Variants in RPS7 observed in about 807,000 individuals in gnomAD.
RPS7 encodes small ribosomal subunit protein eS7.
In RPS7, 1 loss-of-function variant was observed where a neutral mutation model predicts 22.1. The ratio of observed to expected loss-of-function variants is 0.05; its 90% CI spans 0.02 to 0.21. The LOEUF is 0.21. Among genes scored for constraint, RPS7 ranks in the 10% least tolerant of loss-of-function variants. The pLI, the probability that RPS7 is intolerant of heterozygous loss-of-function variation, is 1.00. For synonymous variants in RPS7, 80 were observed against 92.0 expected (o/e 0.87, Z 0.74); for missense variants, 137 against 246.4 (o/e 0.56, Z 2.97).
At chr2:3,580,014 G>T in intron 5 of RPS7, 96 bp from the exon 6 acceptor site, 1 of 1,128,560 alleles carries the variant, frequency 8.9e-7, no homozygotes, top group Non-Finnish European at 1.4e-6. Context: ...AGGAACCTGG[G>T]ATTTGCATTT....
At chr2:3,575,564 C>G in intron 1 of RPS7, 28 bp from the exon 2 acceptor site, 1 of 1,541,110 alleles carries the variant, frequency 6.5e-7, no homozygotes, top group African/African-American at 1.4e-5. Flanking sequence ...CAGCCCGGGC[C>G]GCGTAACGCT....
intron 5 of RPS7, chr2:3,579,896 T>G: frequency 1.7e-6 from 1 of 603,782 alleles, no homozygotes; most frequent in Non-Finnish European, 2.9e-6. Flanking sequence ...TTGACTGAGC[T>G]TTTGAAATAA....
Position 3,575,635 on chromosome 2 carries a change from T to G in RPS7, c.26T>G (p.Val9Gly). ...ATGTTCAGTTCGAGCGCCAAGATCG[T>G]GAAGCCCAATGGCGAGAAGCCGGAC... MFSSSAKIVKPNGEKPDEF... is the reference protein window; with the variant it reads MFSSSAKIGKPNGEKPDEF... The change falls in exon 2 of 7, where the codon GTG becomes GGG. Residue 9 changes from valine (V) to glycine (G), a missense_variant. Physicochemically the swap from Val to Gly is moderately radical, Grantham distance 109 (BLOSUM62 -3). This residue lies in a region of RPS7 where 63 missense variants were observed against 75.0 expected (regional missense o/e 0.84). Transcript: ENST00000645674. The G allele has an allele frequency of 6.2e-7, 1 of 1,611,240 alleles. No homozygotes were observed. Among genetic ancestry groups the G allele is most frequent in the Non-Finnish European group, 8.5e-7 (1 of 1,179,538 alleles).
Position 3,577,671 on chromosome 2 carries a change from C to T in RPS7, c.292-39C>T, listed in dbSNP as rs73910594. On this transcript the variant is annotated intron_variant, in intron 4 of 6. Transcript: ENST00000645674. ...TTACAGCTTTTTGTCAATTTAAAGT[C>T]TTTTTTCATTTTGTTACATGATAAT... 5.9e-3 allele frequency: 8,645 copies of T among 1,473,378 alleles called. 369 individuals carry two copies. In the African/African-American group the frequency reaches 0.098, roughly 17 times the overall value. The allele number at this position is 1,473,378 out of a possible 1,614,324, so 91.3% of individuals were successfully genotyped here.
intron 1 of RPS7, 98 bp downstream of exon 1, chr2:3,575,448 G>A (rs1035955833): frequency 2.0e-5 from 13 of 648,144 alleles, no homozygotes; most frequent in African/African-American, 1.8e-4. Context: ...TTGCTCACAG[G>A]GTGGGGATAC....
chr2:3,575,297 T>G lies in RPS7; in HGVS notation c.-72T>G. 3.7e-5 allele frequency: 16 copies of G among 429,018 alleles called. No individual in the cohort carries two copies. The highest frequency in any genetic ancestry group is 5.5e-5 in the Non-Finnish European group (13 of 237,628). The allele number at this position is 429,018 out of a possible 1,614,324, so 26.6% of individuals were successfully genotyped here. A position where few individuals can be genotyped will look rare whatever the true frequency, so the allele number is the denominator to read the frequency against. On this transcript the variant is annotated 5_prime_UTR_variant, in exon 1 of 7. Coordinates refer to ENST00000645674, the MANE Select transcript of RPS7 (RefSeq NM_001011.4). ...CCGCCTCTTGCCTTCGGACGCCGGA[T>G]TTTGACGTGCTCTCGCGAGATTTGG... is the stretch of plus-strand genomic sequence containing the variant.
At chr2:3,575,796 C>T (rs774908457) in intron 2 of RPS7, 21 bp from the exon 3 acceptor site, 17 of 1,610,466 alleles carry the variant, frequency 1.1e-5, no homozygotes, top group Non-Finnish European at 1.4e-5. Flanking sequence ...AGGGTCGGTC[C>T]TGCTGTTCGT....
At chr2:3,577,449 C>A in intron 4 of RPS7, 1 of 517,894 alleles carries the variant, frequency 1.9e-6, no homozygotes, top group Non-Finnish European at 3.5e-6. Flanking sequence ...GGGTCATAGG[C>A]ATGGGGAAAG....
chr2:3,577,743 C>T lies in RPS7; in HGVS notation c.325C>T (p.Arg109Cys), dbSNP rs1661316325. 1 of 1,613,018 alleles carries T rather than the reference C, an allele frequency of 6.2e-7. No individual in the cohort carries two copies. The highest frequency in any genetic ancestry group is 8.5e-7 in the Non-Finnish European group (1 of 1,179,174). ...TCTGCCTAAGCCAACTCGAAAAAGC[C>T]GTACAAAAAATAAGCAAAAGCGTCC... The part of the protein sequence containing the change: ...RILPKPTRKS[R>C]TKNKQKRPRS... The change falls in exon 5 of 7, where the codon CGT (arginine) becomes TGT (cysteine). Residue 109 changes from arginine (R) to cysteine (C), a missense_variant. Arg to Cys is a radical substitution (Grantham distance 180). Transcript: ENST00000645674.
chr2:3,575,648 C>T lies in RPS7; in HGVS notation c.39C>T (p.Gly13=), dbSNP rs746686516. Residue 13 remains glycine, a synonymous_variant, in exon 2 of 7, where the codon GGC becomes GGT. Coordinates refer to ENST00000645674, the MANE Select transcript of RPS7 (RefSeq NM_001011.4). ...SSSAKIVKPN[G]EKPDEFESGI... ...GCGCCAAGATCGTGAAGCCCAATGG[C>T]GAGAAGCCGGACGAGTTCGAGTCCG... is the stretch of plus-strand genomic sequence containing the variant. 49 of 1,611,318 alleles carry T rather than the reference C, an allele frequency of 3.0e-5. No homozygotes were observed. Among genetic ancestry groups the T allele is most frequent in the Admixed American group, 8.3e-5 (5 of 59,992 alleles).
Position 3,575,894 on chromosome 2 carries a change from C to A in RPS7, c.147+6C>A. 1 of 1,600,164 alleles carries A rather than the reference C, an allele frequency of 6.2e-7. No individual in the cohort carries two copies. The highest frequency in any genetic ancestry group is 2.2e-5 in the East Asian group (1 of 44,542). On this transcript the variant is annotated splice_donor_region_variant and intron_variant, in intron 3 of 6. Transcript: ENST00000645674. The stretch of plus-strand genomic sequence containing the variant: ...TGAATATTACGGCAGCTAAGGTAAG[C>A]TGGCGCTCCCTCGGCTGGGAGGGAG...
At chr2:3,577,572 CG>C (rs1362307497) in intron 4 of RPS7, 137 bp from the exon 5 acceptor site, 4 of 677,604 alleles carry the variant, frequency 5.9e-6, no homozygotes, top group African/African-American at 1.8e-5. Flanking sequence ...GTCAATTGTT[CG>C]TCTAAGTTGT....
chr2:3,576,474 T>A lies in RPS7; in HGVS notation c.148-13T>A, dbSNP rs1292784822. Reference sequence around the variant, plus strand: ...AAGCAGTTAACACAGTGGATTTTTGTTTTTTTCTTTAGGAAATTGAAGTTG... The same window carrying A: ...AAGCAGTTAACACAGTGGATTTTTGATTTTTTCTTTAGGAAATTGAAGTTG... On this transcript the variant is annotated splice_polypyrimidine_tract_variant and intron_variant, in intron 3 of 6. Transcript: ENST00000645674. The A allele has an allele frequency of 6.2e-7, 1 of 1,613,312 alleles. No individual in the cohort carries two copies. The highest frequency in any genetic ancestry group is 2.2e-5 in the East Asian group (1 of 44,882).
chr2:3,575,550 CCTGCA>C, intron 1 of RPS7, 37 bp from the exon 2 acceptor site: 1 of 1,458,120 alleles, frequency 6.9e-7, no homozygotes. Context: ...GCCAGCGGCG[CCTGCA>C]GCCCGGGCCG....
In RPS7 at chr2:3,580,232, A is replaced by G; in HGVS notation, c.479A>G (p.Lys160Arg). 1 of 1,613,846 alleles carries G rather than the reference A, an allele frequency of 6.2e-7. No homozygotes were observed. Among genetic ancestry groups the G allele is most frequent in the Non-Finnish European group, 8.5e-7 (1 of 1,179,916 alleles). The stretch of plus-strand genomic sequence containing the variant: ...CGGCTCATAAAGGTTCATTTGGACA[A>G]AGCACAGCAGAACAATGTGGAACAC... The part of the protein sequence containing the change: ...GSRLIKVHLD[K>R]AQQNNVEHKV... Residue 160 changes from lysine to arginine, a missense_variant, in exon 6 of 7, where the codon AAA becomes AGA. Lys to Arg is a conservative substitution (Grantham distance 26). Coordinates refer to ENST00000645674, the MANE Select transcript of RPS7 (RefSeq NM_001011.4).
rs1245513762 is a variant in RPS7 at position 3,576,200 on chromosome 2, G to C, written c.148-287G>C. ...CGGCAAAGAGCTGTGGGGAGCTCAG[G>C]ATGAGATTCTCTCTACCCTTAGCCC... On this transcript the variant is annotated intron_variant, in intron 3 of 6. Coordinates refer to ENST00000645674, the MANE Select transcript of RPS7 (RefSeq NM_001011.4). 5.1e-6 allele frequency: 3 copies of C among 592,506 alleles called. No homozygotes were observed. The African/African-American group carries it at 5.6e-5, about 11-fold the overall frequency. 36.7% of individuals were successfully genotyped at this position (592,506 alleles called of 1,614,324 possible).
intron 6 of RPS7, 89 bp from the exon 7 acceptor site, chr2:3,580,713 AAAC>A: frequency 2.4e-6 from 2 of 831,402 alleles, no homozygotes; most frequent in Admixed American, 1.8e-5. Flanking sequence ...CTGAGGAGAA[AAAC>A]AATACAGGGC....
chr2:3,576,699 C>T, intron 4 of RPS7, 69 bp downstream of exon 4: 1 of 1,508,532 alleles, frequency 6.6e-7, no homozygotes, highest in Non-Finnish European at 9.2e-7. Context: ...ATTTAGACTG[C>T]ATTGGTAGTT....
chr2:3,579,446 T>C (rs1159950934), intron 5 of RPS7: 1 of 158,936 alleles, frequency 6.3e-6, no homozygotes, highest in Admixed American at 5.9e-5. Flanking sequence ...GGGTGAGACG[T>C]AGACAGATAA....
Sources: gnomAD v4.1 joint callset for allele counts on GRCh38, gnomAD v4.1.1 for gene constraint, gnomAD v4.1.1 regional missense constraint, MANE v1.5 for transcripts, NCBI Gene and HGNC (gene_info 2026-07-23, HGNC 2026-07-21) for gene names.